The following FAM171A1 variants were observed in gnomAD, a reference collection of about 807,000 sequenced individuals.
FAM171A1 encodes the protein protein FAM171A1.
A neutral mutation model predicts 74.9 loss-of-function variants in FAM171A1; 23 were observed. That is an observed-to-expected ratio of 0.31 (90% confidence interval 0.22 to 0.44). The LOEUF (loss-of-function observed/expected upper bound fraction) is 0.44, where lower values mean the gene tolerates loss of function less well. FAM171A1 is among the 20% of genes least tolerant of loss of function. The pLI, the probability that FAM171A1 is intolerant of heterozygous loss-of-function variation, is 1.00. For synonymous variants in FAM171A1, 527 were observed against 505.7 expected, an observed-to-expected ratio of 1.04 and a Z score of -0.57; for missense variants, 1,162 against 1,159.2, an observed-to-expected ratio of 1.00 and a Z score of -0.03.
At chr10:15,254,583 C>G (rs1413455586) in intron 4 of FAM171A1, 138 bp downstream of exon 4, 5 of 928,850 alleles carry the variant, frequency 5.4e-6, no homozygotes, top group Non-Finnish European at 8.0e-6. Flanking sequence ...AGCACTTGAA[C>G]TTGTACCAAG....
At chr10:15,283,238 G>A (rs886995329) in intron 2 of FAM171A1, among the ~76,000 whole-genome samples, 1 of 152,170 alleles carries the variant, frequency 6.6e-6, no homozygotes, top group Non-Finnish European at 1.5e-5. Context: ...CACCTCCACA[G>A]CTTGCCCCTG....
chr10:15,223,931 A>AAAAC (rs1564614811), intron 5 of FAM171A1, among the ~76,000 whole-genome samples: 383 of 151,682 alleles, frequency 2.5e-3, no homozygotes, highest in African/African-American at 9.0e-3. Flanking sequence ...AACAAAAAAA[A>AAAAC]CCCCTCCACA....
At chr10:15,351,022 C>T (rs1275662826) in intron 1 of FAM171A1, among the ~76,000 whole-genome samples, 1 of 152,280 alleles carries the variant, frequency 6.6e-6, no homozygotes, top group South Asian at 2.1e-4. Context: ...CCTTGAATGC[C>T]CCTTTCTCAT....
intron 5 of FAM171A1, among the ~76,000 whole-genome samples, chr10:15,228,686 C>T (rs74386959): frequency 0.015 from 2,301 of 152,318 alleles, 55 homozygotes; most frequent in African/African-American, 0.052. Flanking sequence ...GCATGTCAGA[C>T]CTCAGAACAC....
chr10:15,341,448 G>A (rs982125900), intron 1 of FAM171A1, among the ~76,000 whole-genome samples: 1 of 152,140 alleles, frequency 6.6e-6, no homozygotes, highest in African/African-American at 2.4e-5. Flanking sequence ...AACGTTATTC[G>A]AGAGTTTTTT....
At chr10:15,301,331 C>T (rs1215932286) in intron 1 of FAM171A1, among the ~76,000 whole-genome samples, 1 of 148,622 alleles carries the variant, frequency 6.7e-6, no homozygotes. Context: ...CGCCAACATG[C>T]CCACACGCCC....
In FAM171A1 at chr10:15,312,947, G is replaced by A. The variant is rs191629667; in HGVS notation, c.98-28842C>T. ...TGACCTCAGGTGATCCACCCTCCTC[G>A]GCCTCCCAAAGTGCTGGGATTACAG... On this transcript the variant is annotated intron_variant, in intron 1 of 7. Transcript: ENST00000378116. Among the ~76,000 whole-genome samples the A allele has an allele frequency of 9.9e-5, 15 of 151,746 alleles. No individual in the cohort carries two copies. The East Asian group carries it at 1.9e-3, about 20-fold the overall frequency.
At chr10:15,216,630 C>T (rs1327427049) in intron 6 of FAM171A1, among the ~76,000 whole-genome samples, 2 of 152,040 alleles carry the variant, frequency 1.3e-5, no homozygotes, top group Non-Finnish European at 2.9e-5. Flanking sequence ...GCAATGTTCT[C>T]ACTATGTTGC....
At chr10:15,366,183 G>A (rs974678344) in intron 1 of FAM171A1, among the ~76,000 whole-genome samples, 3 of 152,040 alleles carry the variant, frequency 2.0e-5, no homozygotes, top group Admixed American at 2.0e-4. Context: ...GCAGTGGTGC[G>A]ATCTCTACTC....
At chr10:15,354,575 G>T (rs78400872) in intron 1 of FAM171A1, among the ~76,000 whole-genome samples, 3,072 of 152,258 alleles carry the variant, frequency 0.02, 33 homozygotes, top group Middle Eastern at 0.048. Context: ...AAGACGCCTG[G>T]GGAGCCAGGC....
chr10:15,234,185 TA>T (rs975624917), intron 5 of FAM171A1, among the ~76,000 whole-genome samples: 1 of 152,096 alleles, frequency 6.6e-6, no homozygotes, highest in Non-Finnish European at 1.5e-5. Flanking sequence ...GATCTTCTTT[TA>T]AAAAATCATG....
intron 3 of FAM171A1, among the ~76,000 whole-genome samples, chr10:15,270,911 C>T (rs1016523128): frequency 6.6e-6 from 1 of 152,158 alleles, no homozygotes; most frequent in Non-Finnish European, 1.5e-5. Context: ...GTAGATAAAA[C>T]CACAAAGATG....
At position 15,370,969 on chromosome 10, in the gene FAM171A1, G is replaced by T. The variant is rs1488319348; in HGVS notation, c.84C>A (p.Gly28=). The change falls in exon 1 of 8, where the codon GGC becomes GGA. Residue 28 remains glycine, a synonymous_variant. Transcript: ENST00000378116. ...CCGCCCACTGACCTTGGGCTCCGGC[G>T]CCGGGCTCCCGCAGCGTCTTGGTCA... ...KAVTKTLREP[G]AGAQEVTLKV... is the part of the protein sequence containing the mutation. 1 of 1,177,996 alleles carries T rather than the reference G, an allele frequency of 8.5e-7. No individual in the cohort carries two copies. Among genetic ancestry groups the T allele is most frequent in the Non-Finnish European group, 1.1e-6 (1 of 931,480 alleles). 73.0% of individuals were successfully genotyped at this position (1,177,996 alleles called of 1,614,324 possible). A position where few individuals can be genotyped will look rare whatever the true frequency, so the allele number is the denominator to read the frequency against.
At chr10:15,219,621 G>A (rs1470344861) in intron 6 of FAM171A1, among the ~76,000 whole-genome samples, 3 of 151,970 alleles carry the variant, frequency 2.0e-5, no homozygotes, top group Admixed American at 6.6e-5. Flanking sequence ...TCGCTCTGTC[G>A]CCCAGGCTGG....
intron 3 of FAM171A1, among the ~76,000 whole-genome samples, chr10:15,266,115 GTCT>G (rs1157056927): frequency 2.6e-5 from 4 of 152,202 alleles, no homozygotes; most frequent in Non-Finnish European, 5.9e-5. Context: ...TGCTCCGAGT[GTCT>G]TCTTCTGCTT....
intron 3 of FAM171A1, among the ~76,000 whole-genome samples, chr10:15,269,392 T>G (rs898761439): frequency 9.2e-5 from 14 of 152,056 alleles, no homozygotes; most frequent in Non-Finnish European, 1.9e-4. Context: ...GTGCTGGGAT[T>G]ACAGGTGTGA....
intron 1 of FAM171A1, among the ~76,000 whole-genome samples, chr10:15,359,034 G>A (rs1835963910): frequency 6.6e-6 from 1 of 152,148 alleles, no homozygotes; most frequent in African/African-American, 2.4e-5. Flanking sequence ...TACGCTGCAT[G>A]CGATTGATGT....
intron 1 of FAM171A1, among the ~76,000 whole-genome samples, chr10:15,307,108 C>A (rs2131833654): frequency 6.6e-6 from 1 of 152,312 alleles, no homozygotes; most frequent in Admixed American, 6.5e-5. Context: ...GACCCAGGAG[C>A]ATGAGGATGA....
chr10:15,252,061 T>C (rs776272839), intron 4 of FAM171A1, among the ~76,000 whole-genome samples: 9 of 152,222 alleles, frequency 5.9e-5, no homozygotes, highest in Non-Finnish European at 1.0e-4. Flanking sequence ...GCAGGAAAAG[T>C]CTGCACCTGT....
Sources: gnomAD v4.1 joint callset for allele counts (sites outside exome capture counted in the v4.1 genomes callset) on GRCh38, gnomAD v4.1.1 for gene constraint, MANE v1.5 for transcripts, NCBI Gene and HGNC (gene_info 2026-07-23, HGNC 2026-07-21) for gene names.